The following DHX8 variants were observed in gnomAD, a reference collection of about 807,000 sequenced individuals.
DHX8 encodes DEAH-box helicase 8.
A neutral mutation model predicts 140.7 loss-of-function variants in DHX8; 67 were observed. That is an observed-to-expected ratio of 0.48 (90% confidence interval 0.39 to 0.58). The LOEUF (loss-of-function observed/expected upper bound fraction) is 0.58, where lower values mean the gene tolerates loss of function less well. DHX8 is among the 20% of genes least tolerant of loss of function. DHX8 has a pLI of 0.00. For synonymous variants in DHX8, 533 were observed against 553.2 expected (o/e 0.96, Z 0.51); for missense variants, 887 against 1,550.7 (o/e 0.57, Z 7.19).
At chr17:43,486,651 C>T (rs1322529557) in intron 1 of DHX8, among the ~76,000 whole-genome samples, 1 of 151,704 alleles carries the variant, frequency 6.6e-6, no homozygotes, top group Non-Finnish European at 1.5e-5. Context: ...GAGGCCAAGG[C>T]GGGTGGATCA....
rs930683202 is a variant in DHX8, at chr17:43,524,655, A to C, written c.*808A>C. The C allele has an allele frequency of 1.0e-6, 1 of 985,448 alleles. No homozygotes were observed. The highest frequency in any genetic ancestry group is 1.2e-6 in the Non-Finnish European group (1 of 829,958). The allele number at this position is 985,448 out of a possible 1,614,324, so 61.0% of individuals were successfully genotyped here. On this transcript the variant is annotated 3_prime_UTR_variant, in exon 23 of 23. Transcript: ENST00000262415. ...TTTCCCCTTGCTCCCTCCACCTCCC[A>C]CATTCGCAATGTGCAGCATGTCCCA...
intron 19 of DHX8, 147 bp from the exon 20 acceptor site, chr17:43,520,604 A>G (rs1325881290): frequency 1.1e-6 from 1 of 914,138 alleles, no homozygotes; most frequent in Non-Finnish European, 1.7e-6. Flanking sequence ...AAACAACAGC[A>G]TTCTTCTGAT....
chr17:43,533,950 C>T (rs769333020), intron 2 of DHX8: 1 of 1,544,288 alleles, frequency 6.5e-7, no homozygotes, highest in South Asian at 1.3e-5. Flanking sequence ...CTCTGGGGCT[C>T]CTTCTTGATC....
intron 18 of DHX8, 152 bp downstream of exon 18, chr17:43,517,474 C>A: frequency 1.2e-6 from 1 of 868,270 alleles, no homozygotes; most frequent in Non-Finnish European, 1.7e-6. Flanking sequence ...GTGATAACAG[C>A]CTCTCACGGC....
intron 16 of DHX8, among the ~76,000 whole-genome samples, chr17:43,509,534 A>C (rs973642722): frequency 8.9e-5 from 13 of 146,622 alleles, no homozygotes; most frequent in African/African-American, 3.3e-4. Flanking sequence ...CCCAAGGTGG[A>C]GTGCAGTGAT....
At chr17:43,526,765 T>C, downstream of DHX8, 2 of 1,204,624 alleles carry the variant, frequency 1.7e-6, no homozygotes, top group South Asian at 4.4e-5. Context: ...GGCTTTAATG[T>C]GGAATTAAAT....
intron 18 of DHX8, chr17:43,518,152 G>A (rs866402934): frequency 1.3e-5 from 2 of 152,282 alleles, no homozygotes; most frequent in Admixed American, 6.5e-5. Flanking sequence ...GTGAGATAAT[G>A]TAGGTAAAGG....
In DHX8 at chr17:43,504,880, G is replaced by C. The variant is rs759717872; in HGVS notation, c.1728+55G>C. On this transcript the variant is annotated intron_variant, in intron 12 of 22. Coordinates refer to ENST00000262415, the MANE Select transcript of DHX8 (RefSeq NM_004941.3). ...GGAGTAGGGTTATTGTCTAAAAGAG[G>C]GGTGATATTTTTAAACTGAAACTAA... is the stretch of plus-strand genomic sequence containing the variant. 3 of 1,498,848 alleles carry C rather than the reference G, an allele frequency of 2.0e-6. No homozygotes were observed. In the East Asian group the frequency reaches 7.0e-5, roughly 35 times the overall value. The allele number at this position is 1,498,848 out of a possible 1,614,324, so 92.8% of individuals were successfully genotyped here.
intron 13 of DHX8, 120 bp from the exon 14 acceptor site, chr17:43,507,383 C>G: frequency 8.9e-7 from 1 of 1,121,222 alleles, no homozygotes; most frequent in Non-Finnish European, 1.3e-6. Context: ...GAGGAAATTA[C>G]TGTACATCTT....
rs547761536 is a variant in DHX8, at chr17:43,524,546, C to T, written c.*699C>T. On this transcript the variant is annotated 3_prime_UTR_variant, in exon 23 of 23. Coordinates refer to ENST00000262415, the MANE Select transcript of DHX8 (RefSeq NM_004941.3). ...AGCCGGGCCGTGCTGGGGGATCACC[C>T]GATGATCAACCATGTCCTCTCCACA... 8 of 986,076 alleles carry T rather than the reference C, an allele frequency of 8.1e-6. No individual in the cohort carries two copies. Among genetic ancestry groups the T allele is most frequent in the East Asian group, 1.1e-4 (1 of 8,800 alleles). 61.1% of individuals were successfully genotyped at this position (986,076 alleles called of 1,614,324 possible). A position where few individuals can be genotyped will look rare whatever the true frequency, so the allele number is the denominator to read the frequency against.
chr17:43,493,328 T>C, intron 6 of DHX8, 117 bp from the exon 7 acceptor site: 2 of 1,392,384 alleles, frequency 1.4e-6, no homozygotes, highest in South Asian at 1.4e-5. Flanking sequence ...ACCACCTTCA[T>C]GGTACTTTTC....
chr17:43,513,494 A>G lies in DHX8; in HGVS notation c.2635A>G (p.Ile879Val), dbSNP rs747134967. The change falls in exon 17 of 23, where the codon ATT (isoleucine) becomes GTT (valine). Residue 879 changes from isoleucine (I) to valine (V), a missense_variant. Transcript: ENST00000262415. Reference protein sequence around the residue: ...TGIDQLVVTPISQAQAKQRAG... With the variant: ...TGIDQLVVTPVSQAQAKQRAG... ...GATTGACCAGCTCGTGGTGACGCCTATTTCTCAGGTATGACGGCTTGTATC... is the reference window on the plus strand; with the variant it reads ...GATTGACCAGCTCGTGGTGACGCCTGTTTCTCAGGTATGACGGCTTGTATC... The G allele has an allele frequency of 3.7e-6, 6 of 1,613,798 alleles. No individual in the cohort carries two copies. The highest frequency in any genetic ancestry group is 5.1e-6 in the Non-Finnish European group (6 of 1,179,860).
chr17:43,534,715 G>A (rs973989327), intron 2 of DHX8, among the ~76,000 whole-genome samples: 9 of 151,966 alleles, frequency 5.9e-5, no homozygotes, highest in Non-Finnish European at 1.0e-4. Flanking sequence ...CGAGGCGGGC[G>A]GATCACCTGA....
At chr17:43,495,170 C>T (rs1486514131) in intron 8 of DHX8, among the ~76,000 whole-genome samples, 1 of 152,162 alleles carries the variant, frequency 6.6e-6, no homozygotes, top group Non-Finnish European at 1.5e-5. Context: ...AAGCACCATG[C>T]AGGGCTAGGG....
Position 43,484,800 on chromosome 17 carries a change from C to G in DHX8, c.148+615C>G, listed in dbSNP as rs1207945180. 2.0e-5 allele frequency among the ~76,000 whole-genome samples: 3 copies of G among 152,026 alleles called. No individual in the cohort carries two copies. The East Asian group carries it at 5.8e-4, about 29-fold the overall frequency. ...GGGACTACAGGCGGGCGCCACCAAGCTCGACTCATTTTTAAATTTTTTGTA... is the reference window on the plus strand; with the variant it reads ...GGGACTACAGGCGGGCGCCACCAAGGTCGACTCATTTTTAAATTTTTTGTA... On this transcript the variant is annotated intron_variant, in intron 1 of 22. Coordinates refer to ENST00000262415, the MANE Select transcript of DHX8 (RefSeq NM_004941.3).
chr17:43,489,410 C>A, intron 1 of DHX8, 39 bp from the exon 2 acceptor site: 1 of 1,359,074 alleles, frequency 7.4e-7, no homozygotes, highest in South Asian at 1.2e-5. Context: ...ATTTCTTGTT[C>A]ATGTCTCTTC....
chr17:43,493,510 C>G lies in DHX8; in HGVS notation c.929C>G (p.Ala310Gly). 1 of 1,614,126 alleles carries G rather than the reference C, an allele frequency of 6.2e-7. No individual in the cohort carries two copies. Among genetic ancestry groups the G allele is most frequent in the Non-Finnish European group, 8.5e-7 (1 of 1,180,014 alleles). ...CGGGAGGGTCGTGTGGCCAATGTAG[C>G]TGATGTCGTGAGCAAAGGCCAGAGG... The part of the protein sequence containing the change: ...LRREGRVANV[A>G]DVVSKGQRVK... The change falls in exon 7 of 23, where the codon GCT becomes GGT. Residue 310 changes from alanine to glycine, a missense_variant. By Grantham distance (60) the Ala-to-Gly change is moderately conservative. Transcript: ENST00000262415.
chr17:43,499,864 T>A, intron 10 of DHX8, 92 bp from the exon 11 acceptor site: 1 of 1,370,470 alleles, frequency 7.3e-7, no homozygotes. Context: ...TTATTCCAGA[T>A]GTAGTCTCAT....
intron 2 of DHX8, chr17:43,533,799 C>T (rs1971088857): frequency 6.3e-7 from 1 of 1,588,200 alleles, no homozygotes; most frequent in Non-Finnish European, 8.5e-7. Flanking sequence ...ATGGGTGCCC[C>T]CTGCCTCCCT....
Sources: gnomAD v4.1 joint callset for allele counts (sites outside exome capture counted in the v4.1 genomes callset) on GRCh38, gnomAD v4.1.1 for gene constraint, MANE v1.5 for transcripts, NCBI Gene and HGNC (gene_info 2026-07-23, HGNC 2026-07-21) for gene names.